The following F12 variants were observed in gnomAD, a reference collection of about 807,000 sequenced individuals.
F12 encodes the protein Hageman factor.
In F12, 70 loss-of-function variants were observed where a neutral mutation model predicts 74.8. The ratio of observed to expected loss-of-function variants is 0.94; its 90% CI spans 0.77 to 1.14. F12 has a LOEUF of 1.14. F12 is among the 50% of genes most tolerant of loss of function. The pLI is 0.00. For missense variants in F12, 811 were observed against 835.7 expected, an observed-to-expected ratio of 0.97 and a Z score of 0.36; for synonymous variants, 373 against 356.4, an observed-to-expected ratio of 1.05 and a Z score of -0.52.
chr5:177,406,341 T>G (rs1428691691), intron 2 of F12, among the ~76,000 whole-genome samples: 1 of 151,884 alleles, frequency 6.6e-6, no homozygotes, highest in Non-Finnish European at 1.5e-5. Flanking sequence ...ACAAAAAAAT[T>G]AGCTGGGGGT....
At position 177,404,959 on chromosome 5, in the gene F12, C is replaced by A. The variant is rs763777570; in HGVS notation, c.530-45G>T. On this transcript the variant is annotated intron_variant, in intron 6 of 13. Coordinates refer to ENST00000253496, the MANE Select transcript of F12 (RefSeq NM_000505.4). The stretch of plus-strand genomic sequence containing the variant: ...GAGCCACCCCTGGGCCTAAAGACCC[C>A]CCCAGAGAGCTCTCCTTCCTGGCAC... 1.3e-5 allele frequency: 20 copies of A among 1,585,188 alleles called. No individual in the cohort carries two copies. The African/African-American group carries it at 2.3e-4, about 18-fold the overall frequency.
chr5:177,408,015 C>T (rs1763329383), intron 2 of F12, among the ~76,000 whole-genome samples: 1 of 151,888 alleles, frequency 6.6e-6, no homozygotes, highest in Non-Finnish European at 1.5e-5. Context: ...GGGTAAGGTC[C>T]ATCTGGTTCA....
In F12 at chr5:177,409,082, T is replaced by C; in HGVS notation, c.79A>G (p.Lys27Glu). 1 of 1,551,698 alleles carries C rather than the reference T, an allele frequency of 6.4e-7. No individual in the cohort carries two copies. Among genetic ancestry groups the C allele is most frequent in the Non-Finnish European group, 8.7e-7 (1 of 1,147,028 alleles). Residue 27 changes from lysine (K) to glutamate (E), a missense_variant, in exon 2 of 14, where the codon AAG becomes GAG. Transcript: ENST00000253496. ...TCTTCAGCTTTGTACTTATGCTCCT[T>C]GGGGGCTTCCCAAGGTGGAATCTAC... ...TLSIPPWEAP[K>E]EHKYKAEEHT...
Position 177,404,362 on chromosome 5 carries a change from CCGGTCG to C in F12, c.846_851del (p.Asp283_Arg284del). ...CCAGGTCGCAGTACTCCCAGCTCAG[CCGGTCG>C]CGGTTCAGCACGAAGCACCACGGGC... On this transcript the variant is annotated inframe_deletion, in exon 9 of 14. Coordinates refer to ENST00000253496, the MANE Select transcript of F12 (RefSeq NM_000505.4). 6.2e-7 allele frequency: 1 copy of C among 1,611,776 alleles called. No individual in the cohort carries two copies. The highest frequency in any genetic ancestry group is 1.1e-5 in the South Asian group (1 of 90,956).
In F12 at chr5:177,405,146, T is replaced by C. The variant is rs1404710905; in HGVS notation, c.437A>G (p.Lys146Arg). The change falls in exon 6 of 14, where the codon AAG (lysine) becomes AGG (arginine). Residue 146 changes from lysine (K) to arginine (R), a missense_variant. By Grantham distance (26) the Lys-to-Arg change is conservative. Transcript: ENST00000253496. ...CTCAGTTCTATACCATATCTCATTCTTGTGGAAAAACCGGAGAAGCTGAGG... is the reference window on the plus strand; with the variant it reads ...CTCAGTTCTATACCATATCTCATTCCTGTGGAAAAACCGGAGAAGCTGAGG... ...FEPQLLRFFH[K>R]NEIWYRTEQA... The C allele has an allele frequency of 6.2e-7, 1 of 1,613,994 alleles. No individual in the cohort carries two copies. The highest frequency in any genetic ancestry group is 2.2e-5 in the East Asian group (1 of 44,880).
chr5:177,402,944 A>C, intron 12 of F12: 1 of 678,940 alleles, frequency 1.5e-6, no homozygotes, highest in Admixed American at 2.9e-5. Flanking sequence ...CCAGAGTCGC[A>C]GAACCTGGCT....
At chr5:177,403,767 G>A (rs1358484440) in intron 10 of F12, 92 bp downstream of exon 10, 9 of 1,455,238 alleles carry the variant, frequency 6.2e-6, no homozygotes, top group Non-Finnish European at 8.2e-6. Flanking sequence ...GCGGGAGAAG[G>A]TAGGGCACGG....
chr5:177,403,854 C>G lies in F12; in HGVS notation c.1250+5G>C. 1 of 1,524,590 alleles carries G rather than the reference C, an allele frequency of 6.6e-7. No individual in the cohort carries two copies. Among genetic ancestry groups the G allele is most frequent in the Non-Finnish European group, 8.8e-7 (1 of 1,136,484 alleles). 94.4% of individuals were successfully genotyped at this position (1,524,590 alleles called of 1,614,324 possible). ...TGGGGCGGCTCTGGGCGGGCGGGTA[C>G]TCGCCGGTCCTGCAGGCAGTGAGCG... On this transcript the variant is annotated splice_donor_5th_base_variant and intron_variant, in intron 10 of 13. Coordinates refer to ENST00000253496, the MANE Select transcript of F12 (RefSeq NM_000505.4).
At position 177,403,348 on chromosome 5, in the gene F12, C is replaced by G; in HGVS notation, c.1437G>C (p.Ser479=). ...GCAGGCACACCGGCTGAACGTAAGG[C>G]GACAGGAGCGCGCAGCTGCCGTCCG... ...EDADGSCALL[S]PYVQPVCLPS... is the part of the protein sequence containing the mutation. The change falls in exon 12 of 14, where the codon TCG becomes TCC. Residue 479 remains serine (S), a synonymous_variant. Coordinates refer to ENST00000253496, the MANE Select transcript of F12 (RefSeq NM_000505.4). 1 of 1,599,082 alleles carries G rather than the reference C, an allele frequency of 6.3e-7. No individual in the cohort carries two copies. Among genetic ancestry groups the G allele is most frequent in the Non-Finnish European group, 8.5e-7 (1 of 1,179,632 alleles).
rs753506439 is a variant in F12 at position 177,404,018 on chromosome 5, C to T, written c.1091G>A (p.Arg364His). 3 of 1,601,922 alleles carry T rather than the reference C, an allele frequency of 1.9e-6. No individual in the cohort carries two copies. The highest frequency in any genetic ancestry group is 1.1e-5 in the South Asian group (1 of 91,022). ...NGPLSCGQRLRKSLSSMTRVV... is the reference protein window; with the variant it reads ...NGPLSCGQRLHKSLSSMTRVV... ...GCGGGTCATCGAAGACAGACTCTTG[C>T]GGAGCCGCTGCCCGCAGCTCAGTGG... Residue 364 changes from arginine to histidine, a missense_variant, in exon 10 of 14, where the codon CGC (arginine) becomes CAC (histidine). Coordinates refer to ENST00000253496, the MANE Select transcript of F12 (RefSeq NM_000505.4).
Position 177,405,715 on chromosome 5 carries a change from C to G in F12, c.286+20G>C. The G allele has an allele frequency of 6.2e-7, 1 of 1,613,610 alleles. No homozygotes were observed. Reference sequence around the variant, plus strand: ...CGGGAGGAGAGAGCCCCAGGCCACCCCAGAGGCTGTGTGTAGCACCTTTCA... The same window carrying G: ...CGGGAGGAGAGAGCCCCAGGCCACCGCAGAGGCTGTGTGTAGCACCTTTCA... On this transcript the variant is annotated intron_variant, in intron 4 of 13. Transcript: ENST00000253496.
At chr5:177,405,228 CA>C in intron 5 of F12, 43 bp from the exon 6 acceptor site, 1 of 1,613,454 alleles carries the variant, frequency 6.2e-7, no homozygotes. Context: ...AGTCTAGGAC[CA>C]TGCCAAGTCT....
At position 177,402,581 on chromosome 5, in the gene F12, C is replaced by T. The variant is rs1763165406; in HGVS notation, c.1649G>A (p.Gly550Glu). 1 of 1,612,952 alleles carries T rather than the reference C, an allele frequency of 6.2e-7. No homozygotes were observed. The highest frequency in any genetic ancestry group is 1.1e-5 in the South Asian group (1 of 91,028). The change falls in exon 13 of 14, where the codon GGG becomes GAG. Residue 550 changes from glycine to glutamate, a missense_variant. Transcript: ENST00000253496. ...CGCATCGGTGCCGCCCTCGAGGAAC[C>T]CTGCGCAGAGCATGCCGGGGAGGAT... ...SSILPGMLCA[G>E]FLEGGTDACQ...
In F12 at chr5:177,405,559, C is replaced by T. The variant is rs1454343799; in HGVS notation, c.287-126G>A. On this transcript the variant is annotated intron_variant, in intron 4 of 13. Coordinates refer to ENST00000253496, the MANE Select transcript of F12 (RefSeq NM_000505.4). ...CAAGTTTCCAAGCTTGGTTTACCCA[C>T]CTGCAAAATGGGACCACTCCTTCCC... is the stretch of plus-strand genomic sequence containing the variant. 4.8e-6 allele frequency: 6 copies of T among 1,238,626 alleles called. No homozygotes were observed. In the East Asian group the frequency reaches 1.5e-4, roughly 31 times the overall value. The allele number at this position is 1,238,626 out of a possible 1,614,324, so 76.7% of individuals were successfully genotyped here.
At chr5:177,402,492 A>C (rs1473073717) in intron 13 of F12, 33 bp from the exon 14 acceptor site, 2 of 1,599,406 alleles carry the variant, frequency 1.3e-6, no homozygotes, top group South Asian at 2.2e-5. Context: ...AGCGCTGTGG[A>C]CCTGAGATTT....
chr5:177,404,820 G>A lies in F12; in HGVS notation c.624C>T (p.Phe208=). Residue 208 remains phenylalanine, a synonymous_variant, in exon 7 of 14, where the codon TTC becomes TTT. Transcript: ENST00000253496. Reference sequence around the variant, plus strand: ...CAGACCCTCACTCACCCACGTCGCAGAAGGCTCCGGTGTAGCCCACCGGGC... The same window carrying A: ...CAGACCCTCACTCACCCACGTCGCAAAAGGCTCCGGTGTAGCCCACCGGGC... The part of the protein sequence containing the change: ...CHCPVGYTGA[F]CDVDTKASCY... 1 of 1,607,112 alleles carries A rather than the reference G, an allele frequency of 6.2e-7. No individual in the cohort carries two copies. The highest frequency in any genetic ancestry group is 8.5e-7 in the Non-Finnish European group (1 of 1,177,774).
Position 177,405,732 on chromosome 5 carries a change from C to T in F12, c.286+3G>A. 1.2e-6 allele frequency: 2 copies of T among 1,614,152 alleles called. No homozygotes were observed. Among genetic ancestry groups the T allele is most frequent in the Non-Finnish European group, 1.7e-6 (2 of 1,179,998 alleles). Reference sequence around the variant, plus strand: ...AGGCCACCCCAGAGGCTGTGTGTAGCACCTTTCACTTTCTTGGGCTCCAAA... The same window carrying T: ...AGGCCACCCCAGAGGCTGTGTGTAGTACCTTTCACTTTCTTGGGCTCCAAA... On this transcript the variant is annotated splice_donor_region_variant and intron_variant, in intron 4 of 13. Transcript: ENST00000253496.
intron 3 of F12, 77 bp downstream of exon 3, chr5:177,405,885 C>A: frequency 1.3e-6 from 2 of 1,595,142 alleles, no homozygotes; most frequent in Non-Finnish European, 1.7e-6. Context: ...TCTCTCCAAG[C>A]AGAGTTCCTT....
chr5:177,405,132 A>G lies in F12; in HGVS notation c.451T>C (p.Tyr151His). 3.1e-6 allele frequency: 5 copies of G among 1,613,910 alleles called. No homozygotes were observed. Among genetic ancestry groups the G allele is most frequent in the Non-Finnish European group, 4.2e-6 (5 of 1,180,020 alleles). Reference sequence around the variant, plus strand: ...GCCACAGCTGCTTGCTCAGTTCTATACCATATCTCATTCTTGTGGAAAAAC... The same window carrying G: ...GCCACAGCTGCTTGCTCAGTTCTATGCCATATCTCATTCTTGTGGAAAAAC... ...LRFFHKNEIWYRTEQAAVARC... is the reference protein window; with the variant it reads ...LRFFHKNEIWHRTEQAAVARC... Residue 151 changes from tyrosine (Y) to histidine (H), a missense_variant, in exon 6 of 14, where the codon TAT becomes CAT. Transcript: ENST00000253496.
Sources: allele counts gnomAD v4.1 joint callset (sites outside exome capture counted in the v4.1 genomes callset), GRCh38; gene constraint gnomAD v4.1.1; transcripts MANE v1.5; gene names NCBI Gene and HGNC (gene_info 2026-07-23, HGNC 2026-07-21).